The following HADHA variants were observed in gnomAD, a reference collection of about 807,000 sequenced individuals.
HADHA encodes trifunctional enzyme subunit alpha, mitochondrial.
HADHA carries 59 observed loss-of-function variants against 91.3 expected under a neutral mutation model. The ratio of observed to expected loss-of-function variants is 0.65; its 90% CI spans 0.52 to 0.80. The LOEUF (loss-of-function observed/expected upper bound fraction) is 0.80, where lower values mean the gene tolerates loss of function less well. Ranked by LOEUF, HADHA falls within the 30% of genes least tolerant of loss-of-function variation. HADHA has a pLI of 0.00. For synonymous variants in HADHA, 320 were observed against 338.9 expected (o/e 0.94, Z 0.61); for missense variants, 800 against 927.6 (o/e 0.86, Z 1.79).
intron 18 of HADHA, 127 bp from the exon 19 acceptor site, chr2:26,191,755 C>T: frequency 1.1e-6 from 1 of 926,134 alleles, no homozygotes; most frequent in South Asian, 1.3e-5. Context: ...TGCTGGCCCT[C>T]AGAGAAGATG....
chr2:26,238,238 T>C (rs1174351550), intron 3 of HADHA, among the ~76,000 whole-genome samples: 1 of 152,200 alleles, frequency 6.6e-6, no homozygotes, highest in Non-Finnish European at 1.5e-5. Flanking sequence ...ACTCCTGGGC[T>C]GAAGTGATCC....
intron 17 of HADHA, 68 bp downstream of exon 17, chr2:26,193,505 CTCTT>C: frequency 8.0e-7 from 1 of 1,251,422 alleles, no homozygotes; most frequent in Non-Finnish European, 1.2e-6. Flanking sequence ...GCTTCTGTAA[CTCTT>C]TGGTCTCAGG....
chr2:26,206,659 T>C (rs1379833025), intron 11 of HADHA, among the ~76,000 whole-genome samples: 4 of 152,330 alleles, frequency 2.6e-5, no homozygotes, highest in South Asian at 2.1e-4. Context: ...CTGTATAACA[T>C]AGTAATTCTA....
chr2:26,228,687 T>G (rs934702029), intron 7 of HADHA, among the ~76,000 whole-genome samples: 4 of 152,060 alleles, frequency 2.6e-5, no homozygotes, highest in Non-Finnish European at 4.4e-5. Context: ...AATTTTTGTT[T>G]AAAAGATGGC....
intron 13 of HADHA, among the ~76,000 whole-genome samples, chr2:26,200,417 A>ATG (rs1171758217): frequency 6.6e-6 from 1 of 152,180 alleles, no homozygotes; most frequent in African/African-American, 2.4e-5. Context: ...GCCCATCTCA[A>ATG]GAAGTGCCTA....
In HADHA at chr2:26,192,356, T is replaced by G; in HGVS notation, c.1954A>C (p.Met652Leu). ...TTCAGACTCGCTAAAATACTATCCATGTCAGAATTCAAATCCTTCCTCTTC... is the reference window on the plus strand; with the variant it reads ...TTCAGACTCGCTAAAATACTATCCAGGTCAGAATTCAAATCCTTCCTCTTC... ...GVKRKDLNSD[M>L]DSILASLKLP... is the part of the protein sequence containing the mutation. Residue 652 changes from methionine (M) to leucine (L), a missense_variant, in exon 18 of 20, where the codon ATG becomes CTG. Met to Leu is a conservative substitution (Grantham distance 15). Transcript: ENST00000380649. 2 of 1,610,500 alleles carry G rather than the reference T, an allele frequency of 1.2e-6. No individual in the cohort carries two copies. Among genetic ancestry groups the G allele is most frequent in the Non-Finnish European group, 1.7e-6 (2 of 1,176,628 alleles).
chr2:26,202,472 G>A (rs1669870180), intron 12 of HADHA, among the ~76,000 whole-genome samples: 1 of 152,214 alleles, frequency 6.6e-6, no homozygotes. Flanking sequence ...TGGGCATGGT[G>A]GCTCACATCT....
chr2:26,234,209 A>G lies in HADHA; in HGVS notation c.453+8T>C, dbSNP rs1363391614. On this transcript the variant is annotated splice_region_variant and intron_variant, in intron 5 of 19. Coordinates refer to ENST00000380649, the MANE Select transcript of HADHA (RefSeq NM_000182.5). ...GACAGTGTCTCAATAACTTTAGAATATCTATACCTCAAGTCCTCCTCCCAG... is the reference window on the plus strand; with the variant it reads ...GACAGTGTCTCAATAACTTTAGAATGTCTATACCTCAAGTCCTCCTCCCAG... 1 of 1,612,356 alleles carries G rather than the reference A, an allele frequency of 6.2e-7. No individual in the cohort carries two copies. The highest frequency in any genetic ancestry group is 1.3e-5 in the African/African-American group (1 of 75,018).
chr2:26,194,995 T>C, intron 15 of HADHA, 97 bp downstream of exon 15: 1 of 1,043,292 alleles, frequency 9.6e-7, no homozygotes, highest in East Asian at 2.4e-5. Context: ...CAAAGTCTGG[T>C]CATTTGCCCC....
rs13006973 is a variant in HADHA at position 26,231,839 on chromosome 2, C to T, written c.573+321G>A. ...AAAAAATTAGCTGGGTGCAGTGGTG[C>T]ACGCCTGTAATTCCAGCTACTGGGG... is the stretch of plus-strand genomic sequence containing the variant. On this transcript the variant is annotated intron_variant, in intron 6 of 19. Transcript: ENST00000380649. 0.18 allele frequency among the ~76,000 whole-genome samples: 26,983 copies of T among 151,862 alleles called. 2,757 individuals are homozygous for T. The highest frequency in any genetic ancestry group is 0.26 in the Middle Eastern group (76 of 294).
chr2:26,204,773 G>A (rs919428512), intron 11 of HADHA, among the ~76,000 whole-genome samples: 12 of 151,996 alleles, frequency 7.9e-5, no homozygotes, highest in South Asian at 2.1e-4. Context: ...TTTGTAGATA[G>A]GGTCTCACTA....
chr2:26,209,097 G>C (rs1670033459), intron 11 of HADHA, among the ~76,000 whole-genome samples: 1 of 152,108 alleles, frequency 6.6e-6, no homozygotes, highest in Non-Finnish European at 1.5e-5. Flanking sequence ...TGCATTATAG[G>C]ATGGTTAGCA....
At chr2:26,207,129 T>C (rs1669989183) in intron 11 of HADHA, among the ~76,000 whole-genome samples, 1 of 151,936 alleles carries the variant, frequency 6.6e-6, no homozygotes, top group Admixed American at 6.6e-5. Flanking sequence ...GCCCAGGAGT[T>C]TAAGGTTATG....
Position 26,191,405 on chromosome 2 carries a change from G to T in HADHA, c.2147-10C>A, listed in dbSNP as rs371667948. On this transcript the variant is annotated splice_polypyrimidine_tract_variant and intron_variant, in intron 19 of 19. Transcript: ENST00000380649. ...ACAAAGCGGAAAGGCCCTGAATAGA[G>T]AAAGAGGACTTCGTTGAAGGAGACG... 1.9e-6 allele frequency: 3 copies of T among 1,614,196 alleles called. No individual in the cohort carries two copies. In the Admixed American group the frequency reaches 5.0e-5, roughly 27 times the overall value.
At chr2:26,191,859 C>T (rs529622107) in intron 18 of HADHA, among the ~76,000 whole-genome samples, 31 of 152,254 alleles carry the variant, frequency 2.0e-4, no homozygotes, top group Middle Eastern at 3.4e-3. Context: ...GGCCTGGTGC[C>T]GAGAAGATAA....
At chr2:26,243,107 C>T (rs1472610751) in intron 1 of HADHA, 1 of 152,154 alleles carries the variant, frequency 6.6e-6, no homozygotes, top group Non-Finnish European at 1.5e-5. Context: ...GGAAATCCAT[C>T]ATCTCAATCA....
chr2:26,235,213 G>A (rs1670719056), intron 4 of HADHA: 1 of 152,234 alleles, frequency 6.6e-6, no homozygotes, highest in Non-Finnish European at 1.5e-5. Context: ...GGAGGCTGAG[G>A]CGAGAGAATC....
At chr2:26,222,779 C>G (rs761250122) in intron 7 of HADHA, among the ~76,000 whole-genome samples, 9 of 152,144 alleles carry the variant, frequency 5.9e-5, no homozygotes, top group Non-Finnish European at 1.2e-4. Context: ...ATGGGCCATG[C>G]TCACGAAACA....
In HADHA at chr2:26,193,662, C is replaced by T. The variant is rs771364967; in HGVS notation, c.1800G>A (p.Ala600=). The change falls in exon 17 of 20, where the codon GCG becomes GCA. Residue 600 remains alanine (A), a synonymous_variant. Transcript: ENST00000380649. ...EVGVDVAKHV[A]EDLGKVFGER... is the part of the protein sequence containing the mutation. ...CCCCAAAGACTTTGCCCAGATCTTC[C>T]GCCACATGTTTCGCTACATCCACAC... 70 of 1,614,038 alleles carry T rather than the reference C, an allele frequency of 4.3e-5. No individual in the cohort carries two copies. Among genetic ancestry groups the T allele is most frequent in the South Asian group, 1.2e-4 (11 of 91,074 alleles).
Sources: gnomAD v4.1 joint callset for allele counts (sites outside exome capture counted in the v4.1 genomes callset) on GRCh38, gnomAD v4.1.1 for gene constraint, MANE v1.5 for transcripts, NCBI Gene and HGNC (gene_info 2026-07-23, HGNC 2026-07-21) for gene names.